MSRA: variants seen among roughly 807,000 people sequenced by gnomAD.
MSRA encodes the protein methionine sulfoxide reductase A.
In MSRA, 54 loss-of-function variants were observed where a neutral mutation model predicts 31.3. The observed-to-expected ratio is 1.73, with a 90% confidence interval of 1.39 to 2.17. The LOEUF is 2.17. Ranked by LOEUF, MSRA falls within the 30% of genes most tolerant of loss-of-function variation. MSRA has a pLI of 0.00. For synonymous variants in MSRA, 169 were observed against 116.5 expected, an observed-to-expected ratio of 1.45 and a Z score of -2.90; for missense variants, 507 against 300.9, an observed-to-expected ratio of 1.69 and a Z score of -5.07.
intron 3 of MSRA, among the ~76,000 whole-genome samples, chr8:10,270,280 C>A (rs937128523): frequency 1.3e-5 from 2 of 151,896 alleles, no homozygotes; most frequent in South Asian, 4.2e-4. Flanking sequence ...ATTTCTGTTT[C>A]AAGTTAATGC....
intron 1 of MSRA, chr8:10,095,437 C>G (rs1321443293): frequency 3.1e-6 from 3 of 982,324 alleles, no homozygotes; most frequent in African/African-American, 3.5e-5. Context: ...TTCCTGTTTT[C>G]AAATGTATTA....
chr8:10,425,921 T>G (rs1809129721), intron 5 of MSRA, among the ~76,000 whole-genome samples: 1 of 152,226 alleles, frequency 6.6e-6, no homozygotes, highest in South Asian at 2.1e-4. Flanking sequence ...ACCAGGAATG[T>G]CAGGCCCTCA....
intron 2 of MSRA, among the ~76,000 whole-genome samples, chr8:10,219,991 T>A (rs1810353291): frequency 6.6e-6 from 1 of 151,952 alleles, no homozygotes; most frequent in Non-Finnish European, 1.5e-5. Context: ...TGGGATTCAG[T>A]TGAAGCAACA....
chr8:10,259,633 A>C (rs554212849), intron 3 of MSRA, among the ~76,000 whole-genome samples: 1 of 152,162 alleles, frequency 6.6e-6, no homozygotes, highest in Admixed American at 6.5e-5. Context: ...GGGAAAGCTC[A>C]GAAAATAATA....
At chr8:10,081,166 T>A (rs1798274042) in intron 1 of MSRA, among the ~76,000 whole-genome samples, 1 of 152,154 alleles carries the variant, frequency 6.6e-6, no homozygotes, top group South Asian at 2.1e-4. Flanking sequence ...AGGAAGGGGT[T>A]GATCAGGAGG....
chr8:10,370,173 A>G (rs888945806), intron 5 of MSRA, among the ~76,000 whole-genome samples: 1 of 152,212 alleles, frequency 6.6e-6, no homozygotes, highest in Non-Finnish European at 1.5e-5. Context: ...CTGGTTCATT[A>G]GTTCCTTTGT....
intron 1 of MSRA, among the ~76,000 whole-genome samples, chr8:10,188,990 T>A (rs903986976): frequency 6.6e-6 from 1 of 152,220 alleles, no homozygotes; most frequent in African/African-American, 2.4e-5. Flanking sequence ...TCTTTCAGTT[T>A]ATGAACATGA....
chr8:10,092,604 G>C lies in MSRA; in HGVS notation c.142+37946G>C, dbSNP rs191741905. Among the ~76,000 whole-genome samples, 1,140 of 152,114 alleles carry C rather than the reference G, an allele frequency of 7.5e-3. 4 individuals are homozygous for C. Among genetic ancestry groups the C allele is most frequent in the Non-Finnish European group, 0.013 (869 of 67,988 alleles). ...ATCCAGGAAGTGGAGGTTGCAGTGA[G>C]GTGAGATTGTGCCTGGTGACGGAGT... On this transcript the variant is annotated intron_variant, in intron 1 of 5. Transcript: ENST00000317173.
chr8:10,423,061 C>G (rs1254501219), intron 5 of MSRA, among the ~76,000 whole-genome samples: 1 of 152,108 alleles, frequency 6.6e-6, no homozygotes, highest in Non-Finnish European at 1.5e-5. Flanking sequence ...TTGGAAGGCG[C>G]CTAAAGATTC....
chr8:10,199,872 A>C (rs1403420532), intron 1 of MSRA, among the ~76,000 whole-genome samples: 1 of 152,182 alleles, frequency 6.6e-6, no homozygotes, highest in Non-Finnish European at 1.5e-5. Flanking sequence ...TTTGCCCCAC[A>C]ACACTAACTC....
At chr8:10,346,562 C>G (rs1014515940) in intron 5 of MSRA, among the ~76,000 whole-genome samples, 3 of 152,168 alleles carry the variant, frequency 2.0e-5, no homozygotes, top group African/African-American at 7.2e-5. Flanking sequence ...CTAGCCCTTG[C>G]GTTCGGCAGA....
At chr8:10,199,711 T>A (rs1808332462) in intron 1 of MSRA, among the ~76,000 whole-genome samples, 1 of 152,206 alleles carries the variant, frequency 6.6e-6, no homozygotes, top group Non-Finnish European at 1.5e-5. Flanking sequence ...GAAGGAAGAA[T>A]GCCCTCTATT....
At chr8:10,390,313 G>A (rs1478550992) in intron 5 of MSRA, among the ~76,000 whole-genome samples, 2 of 152,186 alleles carry the variant, frequency 1.3e-5, no homozygotes, top group African/African-American at 4.8e-5. Flanking sequence ...TGCGAAATGG[G>A]CAGCCTGGCA....
intron 5 of MSRA, among the ~76,000 whole-genome samples, chr8:10,362,268 G>A (rs949174717): frequency 7.9e-5 from 12 of 152,164 alleles, no homozygotes; most frequent in African/African-American, 2.6e-4. Flanking sequence ...TCCTTACTTA[G>A]GAGCACTCCT....
At chr8:10,297,754 A>G (rs1208070611) in intron 3 of MSRA, among the ~76,000 whole-genome samples, 3 of 152,218 alleles carry the variant, frequency 2.0e-5, no homozygotes, top group Non-Finnish European at 4.4e-5. Flanking sequence ...TTTCTTTTAA[A>G]CAACCAAGCT....
chr8:10,310,397 A>G (rs550496903), intron 4 of MSRA, among the ~76,000 whole-genome samples: 2 of 152,314 alleles, frequency 1.3e-5, no homozygotes, highest in African/African-American at 4.8e-5. Context: ...CTTCTATCAC[A>G]TTATCATACG....
At chr8:10,291,306 C>T (rs1435837745) in intron 3 of MSRA, among the ~76,000 whole-genome samples, 1 of 151,790 alleles carries the variant, frequency 6.6e-6, no homozygotes, top group East Asian at 1.9e-4. Flanking sequence ...CCAACAACAA[C>T]AAAAAATTCA....
chr8:10,390,477 G>A (rs557727115), intron 5 of MSRA, among the ~76,000 whole-genome samples: 9 of 152,224 alleles, frequency 5.9e-5, no homozygotes, highest in East Asian at 1.9e-4. Flanking sequence ...ACTCCCACCC[G>A]TGTCCCCGCC....
chr8:10,343,020 TAC>T (rs572591443), intron 5 of MSRA, among the ~76,000 whole-genome samples: 17,406 of 132,584 alleles, frequency 0.13, 1,189 homozygotes, highest in East Asian at 0.29. Context: ...GCATAAGCAT[TAC>T]ACACACACAC....
Sources: gnomAD v4.1 joint callset for allele counts (sites outside exome capture counted in the v4.1 genomes callset) on GRCh38, gnomAD v4.1.1 for gene constraint, MANE v1.5 for transcripts, NCBI Gene and HGNC (gene_info 2026-07-23, HGNC 2026-07-21) for gene names.